Variants in SGIP1 observed in about 807,000 individuals in gnomAD.
SGIP1 encodes SH3GL interacting endocytic adaptor 1.
Under a neutral mutation model 107.5 loss-of-function variants are expected in SGIP1, and 38 were observed. The observed-to-expected ratio is 0.35, with a 90% CI of 0.27 to 0.46. The LOEUF (loss-of-function observed/expected upper bound fraction) is 0.46, where lower values mean the gene tolerates loss of function less well. Among genes scored for constraint, SGIP1 ranks in the 20% least tolerant of loss-of-function variants. SGIP1 has a pLI of 1.00. For missense variants in SGIP1, 929 were observed against 1,019.5 expected, an observed-to-expected ratio of 0.91 and a Z score of 1.21; for synonymous variants, 365 against 366.1, an observed-to-expected ratio of 1.00 and a Z score of 0.03.
intron 1 of SGIP1, among the ~76,000 whole-genome samples, chr1:66,552,745 G>A (rs57305523): frequency 0.12 from 17,902 of 152,112 alleles, 1,137 homozygotes; most frequent in South Asian, 0.16. Flanking sequence ...ACATAGCTTA[G>A]TGGTTGCCAC....
intron 8 of SGIP1, among the ~76,000 whole-genome samples, chr1:66,661,183 A>C (rs1282491534): frequency 6.6e-6 from 1 of 152,216 alleles, no homozygotes; most frequent in Non-Finnish European, 1.5e-5. Context: ...TCAAAAAATA[A>C]AATGAATTTG....
intron 7 of SGIP1, among the ~76,000 whole-genome samples, chr1:66,656,946 T>C (rs924667809): frequency 1.3e-5 from 2 of 152,130 alleles, no homozygotes; most frequent in African/African-American, 4.8e-5. Context: ...GTTGGGAGGA[T>C]AGCTTGAGCC....
chr1:66,660,617 AC>A, intron 8 of SGIP1, 93 bp downstream of exon 8: 1 of 1,186,726 alleles, frequency 8.4e-7, no homozygotes, highest in Non-Finnish European at 1.3e-6. Flanking sequence ...TGTGTTTAAC[AC>A]CTAAACAAGG....
At position 66,728,423 on chromosome 1, in the gene SGIP1, C is replaced by T. The variant is rs148599066; in HGVS notation, c.1743-841C>T. ...ACTTTTCTTCTTACATTTCAAAACA[C>T]ATAAAACAAAATAGTCACTTTTTAA... On this transcript the variant is annotated intron_variant, in intron 19 of 24. Transcript: ENST00000371037. 5.3e-5 allele frequency among the ~76,000 whole-genome samples: 8 copies of T among 152,274 alleles called. No individual in the cohort carries two copies. The East Asian group carries it at 1.3e-3, about 26-fold the overall frequency.
In SGIP1 at chr1:66,660,088, G is replaced by GGAAGGAAGGAAGGAA. The variant is rs746891754; in HGVS notation, c.460-408_460-394dup. The GGAAGGAAGGAAGGAA allele has an allele frequency of 1.0e-3, 64 of 64,276 alleles. 7 individuals are homozygous for GGAAGGAAGGAAGGAA. Among genetic ancestry groups the GGAAGGAAGGAAGGAA allele is most frequent in the African/African-American group, 5.3e-3 (41 of 7,692 alleles). The allele number at this position is 64,276 out of a possible 1,614,324, so 4.0% of individuals were successfully genotyped here. A position where few individuals can be genotyped will look rare whatever the true frequency, so the allele number is the denominator to read the frequency against. Reference sequence around the variant, plus strand: ...AGGAAGAAAGGAAGGAAGGAGGGAGGGAAGGAAGGAAGGAAGAAGGAAGGA... The same window carrying GGAAGGAAGGAAGGAA: ...AGGAAGAAAGGAAGGAAGGAGGGAGGGAAGGAAGGAAGGAAGAAGGAAGGAAGGAAGAAGGAAGGA... On this transcript the variant is annotated intron_variant, in intron 7 of 24. Coordinates refer to ENST00000371037, the MANE Select transcript of SGIP1 (RefSeq NM_032291.4).
chr1:66,633,299 A>G (rs578075866), intron 3 of SGIP1, among the ~76,000 whole-genome samples: 14 of 152,280 alleles, frequency 9.2e-5, no homozygotes, highest in Admixed American at 7.8e-4. Flanking sequence ...GCATTTACCT[A>G]AAACCCTGCC....
intron 18 of SGIP1, among the ~76,000 whole-genome samples, chr1:66,699,540 CCA>C (rs1429446594): frequency 2.0e-5 from 3 of 152,138 alleles, no homozygotes; most frequent in African/African-American, 7.2e-5. Context: ...ACTCGGTACT[CCA>C]CACCTCTGGC....
At chr1:66,715,599 G>C (rs2093192254) in intron 18 of SGIP1, among the ~76,000 whole-genome samples, 1 of 152,038 alleles carries the variant, frequency 6.6e-6, no homozygotes, top group Non-Finnish European at 1.5e-5. Flanking sequence ...CCATCTGCGA[G>C]CTTTAAAACA....
intron 1 of SGIP1, among the ~76,000 whole-genome samples, chr1:66,542,528 C>G (rs1025085017): frequency 6.6e-6 from 1 of 152,020 alleles, no homozygotes; most frequent in Non-Finnish European, 1.5e-5. Context: ...ATGACTGAGA[C>G]GACTACTAAG....
chr1:66,734,505 G>GTTTT (rs1324641803), intron 21 of SGIP1, among the ~76,000 whole-genome samples: 3 of 131,784 alleles, frequency 2.3e-5, no homozygotes, highest in Admixed American at 7.6e-5. Context: ...GATTTTTTTG[G>GTTTT]TTTTTTTTTT....
intron 7 of SGIP1, among the ~76,000 whole-genome samples, chr1:66,650,508 T>C (rs999337324): frequency 3.3e-5 from 5 of 152,186 alleles, no homozygotes; most frequent in African/African-American, 9.7e-5. Flanking sequence ...TTCAAACGCT[T>C]GCCTGTCTTC....
chr1:66,580,313 T>C (rs2061646840), intron 1 of SGIP1, among the ~76,000 whole-genome samples: 1 of 152,190 alleles, frequency 6.6e-6, no homozygotes, highest in Non-Finnish European at 1.5e-5. Context: ...CTGTTTCCTG[T>C]ACCTTTAAGT....
intron 1 of SGIP1, among the ~76,000 whole-genome samples, chr1:66,567,680 A>G (rs1407815002): frequency 1.3e-5 from 2 of 152,126 alleles, no homozygotes; most frequent in Non-Finnish European, 2.9e-5. Flanking sequence ...TAATTTTTGT[A>G]TAAGGTGTAA....
At chr1:66,722,936 G>C (rs1157244086) in intron 19 of SGIP1, among the ~76,000 whole-genome samples, 1 of 152,116 alleles carries the variant, frequency 6.6e-6, no homozygotes, top group Non-Finnish European at 1.5e-5. Context: ...CTGAGTCTTT[G>C]ACTTGTGGAT....
intron 6 of SGIP1, 96 bp downstream of exon 6, chr1:66,642,960 C>A: frequency 1.9e-6 from 2 of 1,049,336 alleles, no homozygotes; most frequent in South Asian, 1.5e-5. Context: ...ATAACCGAAT[C>A]TTCACAAGTC....
intron 1 of SGIP1, among the ~76,000 whole-genome samples, chr1:66,593,156 C>T (rs1015887350): frequency 4.6e-5 from 7 of 151,920 alleles, no homozygotes; most frequent in Non-Finnish European, 8.8e-5. Flanking sequence ...TAATATTCCA[C>T]GGTCTGGATG....
intron 1 of SGIP1, among the ~76,000 whole-genome samples, chr1:66,568,796 G>T (rs905010263): frequency 6.6e-6 from 1 of 151,846 alleles, no homozygotes; most frequent in Non-Finnish European, 1.5e-5. Flanking sequence ...ATGCAGAAAA[G>T]GCCTTTGATA....
chr1:66,741,478 T>C, intron 24 of SGIP1, 42 bp downstream of exon 24: 1 of 1,525,266 alleles, frequency 6.6e-7, no homozygotes, highest in Non-Finnish European at 8.8e-7. Context: ...AAAATAATGT[T>C]GCCTTGGCTA....
At chr1:66,573,142 G>A (rs546667912) in intron 1 of SGIP1, among the ~76,000 whole-genome samples, 1 of 152,080 alleles carries the variant, frequency 6.6e-6, no homozygotes, top group South Asian at 2.1e-4. Context: ...TAGTAGTGAT[G>A]GTTGCACAAG....
Sources: gnomAD v4.1 joint callset for allele counts (sites outside exome capture counted in the v4.1 genomes callset) on GRCh38, gnomAD v4.1.1 for gene constraint, MANE v1.5 for transcripts, NCBI Gene and HGNC (gene_info 2026-07-23, HGNC 2026-07-21) for gene names.